ERBB4: variants seen among roughly 807,000 people sequenced by gnomAD.
ERBB4 encodes receptor tyrosine-protein kinase erbB-4.
ERBB4 carries 42 observed loss-of-function variants against 158.0 expected under a neutral mutation model. The observed-to-expected ratio is 0.27, with a 90% CI of 0.21 to 0.34. The LOEUF is 0.34. Among genes scored for constraint, ERBB4 ranks in the 10% least tolerant of loss-of-function variants. ERBB4 has a pLI of 1.00. For synonymous variants in ERBB4, 583 were observed against 558.7 expected (o/e 1.04, Z -0.61); for missense variants, 1,333 against 1,624.1 (o/e 0.82, Z 3.08).
rs1011208436 is a variant in ERBB4 at position 212,304,942 on chromosome 2, CTG to C, written c.83-180041_83-180040del. Among the ~76,000 whole-genome samples the C allele has an allele frequency of 6.7e-5, 10 of 150,138 alleles. No individual in the cohort carries two copies. In the East Asian group the frequency reaches 7.8e-4, roughly 12 times the overall value. ...TATATATGTGTGTATGCGTACATGTCTGTGTGTGTGTGTATATATATATAATT... is the reference window on the plus strand; with the variant it reads ...TATATATGTGTGTATGCGTACATGTCTGTGTGTGTGTATATATATATAATT... On this transcript the variant is annotated intron_variant, in intron 1 of 27. Transcript: ENST00000342788.
At chr2:211,448,209 G>A (rs2064158950) in intron 20 of ERBB4, among the ~76,000 whole-genome samples, 2 of 152,178 alleles carry the variant, frequency 1.3e-5, no homozygotes, top group African/African-American at 4.8e-5. Flanking sequence ...CTGACCTCAA[G>A]TGATCCACCC....
intron 1 of ERBB4, among the ~76,000 whole-genome samples, chr2:212,239,857 T>A (rs1574497723): frequency 6.6e-6 from 1 of 152,294 alleles, no homozygotes; most frequent in South Asian, 2.1e-4. Flanking sequence ...CCTAAAGGAA[T>A]TAAATAACAA....
chr2:211,593,334 A>T (rs10804199), intron 19 of ERBB4, among the ~76,000 whole-genome samples: 117,597 of 152,088 alleles, frequency 0.77, 47,700 homozygotes, highest in East Asian at 0.89. Flanking sequence ...GTAATTATTA[A>T]CAGAAAGTGG....
intron 2 of ERBB4, among the ~76,000 whole-genome samples, chr2:211,997,352 T>A (rs1446886990): frequency 6.7e-6 from 1 of 149,496 alleles, no homozygotes; most frequent in Non-Finnish European, 1.5e-5. Context: ...TTTCACTTGT[T>A]AAAAAAAAAA....
intron 2 of ERBB4, among the ~76,000 whole-genome samples, chr2:212,006,103 T>G (rs1419521879): frequency 2.6e-5 from 4 of 152,160 alleles, no homozygotes; most frequent in Non-Finnish European, 5.9e-5. Context: ...TAATCAAAAA[T>G]GTTCACCTAA....
At chr2:211,422,297 C>G (rs1173001374) in intron 23 of ERBB4, among the ~76,000 whole-genome samples, 193 bp from the exon 24 acceptor site, 1 of 151,814 alleles carries the variant, frequency 6.6e-6, no homozygotes, top group Non-Finnish European at 1.5e-5. Context: ...ATATTCATAA[C>G]TAAATGTAAT....
At chr2:211,422,564 A>G (rs1165952971) in intron 23 of ERBB4, among the ~76,000 whole-genome samples, 1 of 151,628 alleles carries the variant, frequency 6.6e-6, no homozygotes, top group Non-Finnish European at 1.5e-5. Context: ...TTATCTTAGT[A>G]CTAGCTTGTC....
chr2:211,615,538 A>G (rs2069353311), intron 19 of ERBB4, among the ~76,000 whole-genome samples: 1 of 152,046 alleles, frequency 6.6e-6, no homozygotes, highest in African/African-American at 2.4e-5. Flanking sequence ...GTGTGTTATT[A>G]TTGTCATTAT....
At chr2:211,745,603 C>T (rs2074940969) in intron 5 of ERBB4, among the ~76,000 whole-genome samples, 1 of 151,658 alleles carries the variant, frequency 6.6e-6, no homozygotes, top group African/African-American at 2.4e-5. Context: ...GTATCCTTTC[C>T]AGTTTATTAT....
At chr2:211,468,730 T>C (rs1362487381) in intron 20 of ERBB4, among the ~76,000 whole-genome samples, 1 of 152,072 alleles carries the variant, frequency 6.6e-6, no homozygotes, top group Non-Finnish European at 1.5e-5. Context: ...ATGGGATTAC[T>C]ACTTTACACC....
At chr2:211,818,581 T>C (rs190499713) in intron 3 of ERBB4, among the ~76,000 whole-genome samples, 2 of 152,072 alleles carry the variant, frequency 1.3e-5, no homozygotes, top group Non-Finnish European at 2.9e-5. Flanking sequence ...TTTAAGTACT[T>C]AAAGGGAGCA....
intron 3 of ERBB4, among the ~76,000 whole-genome samples, chr2:211,913,653 GTGTGTATGTGTGTA>G (rs1353001936): frequency 6.9e-6 from 1 of 145,942 alleles, no homozygotes; most frequent in South Asian, 2.2e-4. Context: ...GTGTGTGTGT[GTGTGTATGTGTGTA>G]TGTGTGTGTG....
In ERBB4 at chr2:211,392,934, C is replaced by T. The variant is rs140320262; in HGVS notation, c.3136-4942G>A. ...CCTCCCAAAGTGCTGGGATTACAGA[C>T]GTGAGCCACCGCGCCCGGCTGGCTC... On this transcript the variant is annotated intron_variant, in intron 25 of 27. Coordinates refer to ENST00000342788, the MANE Select transcript of ERBB4 (RefSeq NM_005235.3). Among the ~76,000 whole-genome samples, 6 of 152,218 alleles carry T rather than the reference C, an allele frequency of 3.9e-5. No homozygotes were observed. In the South Asian group the frequency reaches 6.2e-4, roughly 16 times the overall value.
intron 2 of ERBB4, among the ~76,000 whole-genome samples, chr2:212,120,041 G>C (rs1011918507): frequency 6.6e-6 from 1 of 152,110 alleles, no homozygotes; most frequent in African/African-American, 2.4e-5. Context: ...CTATAAAGTT[G>C]CAAGAGTAGA....
chr2:212,118,291 C>G (rs1280779554), intron 2 of ERBB4, among the ~76,000 whole-genome samples: 1 of 152,302 alleles, frequency 6.6e-6, no homozygotes, highest in East Asian at 1.9e-4. Flanking sequence ...TTACTTGTTG[C>G]AACTTGAAAC....
At chr2:211,842,508 T>TGCAAACA (rs2077495168) in intron 3 of ERBB4, among the ~76,000 whole-genome samples, 1 of 151,854 alleles carries the variant, frequency 6.6e-6, no homozygotes. Flanking sequence ...ATAACACATT[T>TGCAAACA]CAATGTACCT....
chr2:212,174,385 G>C (rs531667376), intron 1 of ERBB4, among the ~76,000 whole-genome samples: 2 of 152,146 alleles, frequency 1.3e-5, no homozygotes, highest in South Asian at 4.1e-4. Flanking sequence ...AAAGGACTGA[G>C]GCTACAAGTT....
chr2:211,578,541 A>G (rs577030411), intron 19 of ERBB4, among the ~76,000 whole-genome samples: 1 of 152,198 alleles, frequency 6.6e-6, no homozygotes, highest in South Asian at 2.1e-4. Flanking sequence ...TCATGGTACT[A>G]GACTTCAAAC....
At chr2:211,974,025 A>G (rs2081534946) in intron 2 of ERBB4, among the ~76,000 whole-genome samples, 1 of 152,210 alleles carries the variant, frequency 6.6e-6, no homozygotes, top group South Asian at 2.1e-4. Context: ...GTGAGAGGTG[A>G]ACAATGAGAA....
Sources: gnomAD v4.1 joint callset for allele counts (sites outside exome capture counted in the v4.1 genomes callset) on GRCh38, gnomAD v4.1.1 for gene constraint, MANE v1.5 for transcripts, NCBI Gene and HGNC (gene_info 2026-07-23, HGNC 2026-07-21) for gene names.